The following EPHA7 variants were observed in gnomAD, a reference collection of about 807,000 sequenced individuals.
The protein encoded by EPHA7 is ephrin type-A receptor 7.
Under a neutral mutation model 112.6 loss-of-function variants are expected in EPHA7, and 25 were observed. The observed-to-expected ratio is 0.22, with a 90% CI of 0.16 to 0.31. EPHA7 has a LOEUF of 0.31. EPHA7 is among the 10% of genes least tolerant of loss of function. The pLI is 1.00. For missense variants in EPHA7, 962 were observed against 1,212.6 expected (o/e 0.79, Z 3.07); for synonymous variants, 437 against 406.5 (o/e 1.07, Z -0.90).
chr6:93,301,518 TATAA>T (rs1171131958), intron 5 of EPHA7, among the ~76,000 whole-genome samples: 3 of 152,182 alleles, frequency 2.0e-5, no homozygotes, highest in African/African-American at 7.2e-5. Context: ...TTAAATACTT[TATAA>T]ATGTTTATAT....
Position 93,385,225 on chromosome 6 carries a change from T to C in EPHA7, c.832+25276A>G, listed in dbSNP as rs113750559. 6.8e-3 allele frequency among the ~76,000 whole-genome samples: 1,031 copies of C among 152,212 alleles called. 23 individuals carry two copies. Among genetic ancestry groups the C allele is most frequent in the African/African-American group, 0.023 (955 of 41,554 alleles). ...GTAACTGATTGCAAATGTATAATGG[T>C]TTATTAGTAACAGCAATAGCTCAAG... is the stretch of plus-strand genomic sequence containing the variant. On this transcript the variant is annotated intron_variant, in intron 3 of 16. Coordinates refer to ENST00000369303, the MANE Select transcript of EPHA7 (RefSeq NM_004440.4).
chr6:93,287,031 A>C (rs993933605), intron 5 of EPHA7, among the ~76,000 whole-genome samples: 8 of 152,208 alleles, frequency 5.3e-5, no homozygotes, highest in Non-Finnish European at 8.8e-5. Flanking sequence ...AAATTGATTC[A>C]CAGTACTAAC....
chr6:93,417,710 G>C (rs924414628), intron 1 of EPHA7, among the ~76,000 whole-genome samples: 1 of 152,136 alleles, frequency 6.6e-6, no homozygotes, highest in South Asian at 2.1e-4. Context: ...GTTTCTGATC[G>C]CTAACGTCAG....
chr6:93,361,396 A>AT (rs1776254526), intron 3 of EPHA7, among the ~76,000 whole-genome samples: 1 of 152,220 alleles, frequency 6.6e-6, no homozygotes, highest in Admixed American at 6.5e-5. Flanking sequence ...AGTACCTCTT[A>AT]TAATAACAGT....
At chr6:93,292,457 C>T (rs1772428629) in intron 5 of EPHA7, among the ~76,000 whole-genome samples, 1 of 152,002 alleles carries the variant, frequency 6.6e-6, no homozygotes, top group Admixed American at 6.6e-5. Context: ...TAGGAAGAGA[C>T]AGGCAGAAAT....
chr6:93,299,352 A>G (rs1772847978), intron 5 of EPHA7, among the ~76,000 whole-genome samples: 1 of 150,996 alleles, frequency 6.6e-6, no homozygotes, highest in Non-Finnish European at 1.5e-5. Flanking sequence ...ATAAAATAAA[A>G]TAAAGAAAAA....
chr6:93,380,782 A>G (rs1325259126), intron 3 of EPHA7, among the ~76,000 whole-genome samples: 1 of 152,158 alleles, frequency 6.6e-6, no homozygotes, highest in African/African-American at 2.4e-5. Context: ...TCTATATAGC[A>G]GATAACTTTC....
chr6:93,387,772 T>C (rs190497048), intron 3 of EPHA7, among the ~76,000 whole-genome samples: 1 of 152,096 alleles, frequency 6.6e-6, no homozygotes, highest in East Asian at 1.9e-4. Context: ...CCATCAGATC[T>C]CATAAGAACT....
intron 3 of EPHA7, among the ~76,000 whole-genome samples, chr6:93,368,343 G>A (rs898487255): frequency 6.6e-6 from 1 of 152,100 alleles, no homozygotes; most frequent in South Asian, 2.1e-4. Flanking sequence ...AATGTGAAAT[G>A]AGAAAACTAC....
chr6:93,338,229 ATGCTT>A (rs1348244094), intron 5 of EPHA7, among the ~76,000 whole-genome samples: 1 of 152,012 alleles, frequency 6.6e-6, no homozygotes, highest in African/African-American at 2.4e-5. Flanking sequence ...AGGAAATCAC[ATGCTT>A]CTCTCTTCTC....
chr6:93,338,629 A>T (rs970204263), intron 5 of EPHA7, among the ~76,000 whole-genome samples: 1 of 152,046 alleles, frequency 6.6e-6, no homozygotes, highest in Non-Finnish European at 1.5e-5. Context: ...ATAATAATCG[A>T]AACAATAAAA....
intron 3 of EPHA7, among the ~76,000 whole-genome samples, chr6:93,393,565 A>C (rs2113667): frequency 0.095 from 14,418 of 151,858 alleles, 883 homozygotes; most frequent in East Asian, 0.21. Flanking sequence ...TACACTGATT[A>C]ACATATTTTT....
chr6:93,392,821 T>G (rs550432515), intron 3 of EPHA7, among the ~76,000 whole-genome samples: 1 of 151,854 alleles, frequency 6.6e-6, no homozygotes, highest in Non-Finnish European at 1.5e-5. Flanking sequence ...ATGTCTATTT[T>G]GATATATTTT....
chr6:93,254,831 A>G (rs569514800), intron 13 of EPHA7, 35 bp from the exon 14 acceptor site: 2 of 1,541,210 alleles, frequency 1.3e-6, no homozygotes, highest in Non-Finnish European at 1.8e-6. Flanking sequence ...TTAAATATGT[A>G]TAATAACTGA....
intron 3 of EPHA7, among the ~76,000 whole-genome samples, chr6:93,391,874 A>C (rs1334617641): frequency 6.6e-6 from 1 of 151,914 alleles, no homozygotes; most frequent in Non-Finnish European, 1.5e-5. Flanking sequence ...TTCACGGTTT[A>C]TGAGATTAAA....
In EPHA7 at chr6:93,241,732, C is replaced by T. The variant is rs978670009; in HGVS notation, c.*1694G>A. ...ACACATTATGTAGCACTGAAAATAC[C>T]TGTTCTTTTGTGATGCTCTGCAAGT... is the stretch of plus-strand genomic sequence containing the variant. On this transcript the variant is annotated 3_prime_UTR_variant, in exon 17 of 17. Transcript: ENST00000369303. 2.7e-5 allele frequency: 6 copies of T among 222,824 alleles called. No individual in the cohort carries two copies. The highest frequency in any genetic ancestry group is 1.1e-4 in the Admixed American group (2 of 17,426). The allele number at this position is 222,824 out of a possible 1,614,324, so 13.8% of individuals were successfully genotyped here.
At chr6:93,308,466 G>A (rs1373732837) in intron 5 of EPHA7, among the ~76,000 whole-genome samples, 1 of 151,962 alleles carries the variant, frequency 6.6e-6, no homozygotes, top group African/African-American at 2.4e-5. Flanking sequence ...GTGTATGTAG[G>A]ACTGGGAAAT....
intron 5 of EPHA7, among the ~76,000 whole-genome samples, chr6:93,318,043 T>C (rs1773892732): frequency 6.6e-6 from 1 of 152,156 alleles, no homozygotes; most frequent in Non-Finnish European, 1.5e-5. Context: ...TTCAAATGAC[T>C]AATCCAATTA....
intron 3 of EPHA7, among the ~76,000 whole-genome samples, chr6:93,395,629 C>T (rs1178388771): frequency 6.6e-6 from 1 of 151,094 alleles, no homozygotes; most frequent in East Asian, 1.9e-4. Flanking sequence ...CCGTCACTCA[C>T]TTTTTGAAGT....
Sources: gnomAD v4.1 joint callset for allele counts (sites outside exome capture counted in the v4.1 genomes callset) on GRCh38, gnomAD v4.1.1 for gene constraint, MANE v1.5 for transcripts, NCBI Gene and HGNC (gene_info 2026-07-23, HGNC 2026-07-21) for gene names.